RBPJ: variants seen among roughly 807,000 people sequenced by gnomAD.
The protein encoded by RBPJ is recombination signal binding protein for immunoglobulin kappa J region, also known as recombining binding protein suppressor of hairless.
RBPJ carries 9 observed loss-of-function variants against 67.8 expected under a neutral mutation model. That is an observed-to-expected ratio of 0.13 (90% CI 0.08 to 0.23). The LOEUF (loss-of-function observed/expected upper bound fraction) is 0.23, where lower values mean the gene tolerates loss of function less well. Ranked by LOEUF, RBPJ falls within the 10% of genes least tolerant of loss-of-function variation. RBPJ has a pLI of 1.00. For missense variants in RBPJ, 305 were observed against 595.6 expected (o/e 0.51, Z 5.08); for synonymous variants, 198 against 203.3 (o/e 0.97, Z 0.22).
At chr4:26,381,941 G>A (rs1444157319) in intron 1 of RBPJ, among the ~76,000 whole-genome samples, 2 of 152,168 alleles carry the variant, frequency 1.3e-5, no homozygotes, top group East Asian at 3.9e-4. Flanking sequence ...TCTATACTTA[G>A]CAAAAAGATA....
chr4:26,424,307 CA>C lies in RBPJ; in HGVS notation c.497-33del. On this transcript the variant is annotated intron_variant, in intron 5 of 10. Coordinates refer to ENST00000355476, the MANE Select transcript of RBPJ (RefSeq NM_015874.6). The surrounding 1 kb of genome is among the most constrained non-coding windows in gnomAD (Gnocchi z 5.3). The stretch of plus-strand genomic sequence containing the variant: ...TTTGCTCCCTCCCCACCTTCTGCTC[CA>C]ATCACATAAATAAGAGCTGTTTTTT... The C allele has an allele frequency of 6.2e-7, 1 of 1,606,106 alleles. No individual in the cohort carries two copies.
Position 26,366,799 on chromosome 4 carries a change from G to A in RBPJ, c.21-19554G>A, listed in dbSNP as rs150903471. ...TTGTGGAAGGATTTACCCTTGCTTTGCATTGATGTAAGAGACTCATGCAGT... is the reference window on the plus strand; with the variant it reads ...TTGTGGAAGGATTTACCCTTGCTTTACATTGATGTAAGAGACTCATGCAGT... On this transcript the variant is annotated intron_variant, in intron 1 of 10. Transcript: ENST00000355476. Among the ~76,000 whole-genome samples, 911 of 152,064 alleles carry A rather than the reference G, an allele frequency of 6.0e-3. 11 individuals are homozygous for A. Among genetic ancestry groups the A allele is most frequent in the African/African-American group, 0.021 (871 of 41,480 alleles).
chr4:26,258,847 G>A lies in RBPJ; in HGVS notation c.-167+95233G>A, dbSNP rs547792232. 3.6e-4 allele frequency among the ~76,000 whole-genome samples: 54 copies of A among 151,382 alleles called. No homozygotes were observed. The South Asian group carries it at 8.8e-3, about 25-fold the overall frequency. On this transcript the variant is annotated intron_variant, in intron 1 of 4. Transcript: ENST00000512351. ...TGAGACAGAGTCTTGCTCTGTTGCC[G>A]GGCTGGAGTGCAGTGGTGCGATCTT...
intron 1 of RBPJ, among the ~76,000 whole-genome samples, chr4:26,166,992 T>C (rs1477520624): frequency 6.6e-6 from 1 of 152,206 alleles, no homozygotes; most frequent in African/African-American, 2.4e-5. Flanking sequence ...CCATTGCTTG[T>C]TTTTCTCAGG....
chr4:26,142,989 C>T, the RBPJ span, among the ~76,000 whole-genome samples: 1 of 152,142 alleles, frequency 6.6e-6, no homozygotes, highest in Non-Finnish European at 1.5e-5. Context: ...ATCATGTTGG[C>T]CAGGCTGGTC....
the RBPJ span, among the ~76,000 whole-genome samples, chr4:26,132,262 A>G: frequency 6.6e-6 from 1 of 152,046 alleles, no homozygotes; most frequent in Admixed American, 6.6e-5. Context: ...GACTCTGTGG[A>G]CTCCAAGATT....
upstream of RBPJ, among the ~76,000 whole-genome samples, chr4:26,162,757 C>A (rs1458391963): frequency 6.6e-6 from 1 of 152,188 alleles, no homozygotes; most frequent in Non-Finnish European, 1.5e-5. Flanking sequence ...GTTCAGAAAC[C>A]ATCTGAAGAG....
intron 1 of RBPJ, among the ~76,000 whole-genome samples, chr4:26,172,798 C>T (rs1462874200): frequency 6.6e-6 from 1 of 152,084 alleles, no homozygotes; most frequent in Non-Finnish European, 1.5e-5. Flanking sequence ...GGTGAGAGAA[C>T]TGAGGTTGAG....
the RBPJ span, among the ~76,000 whole-genome samples, chr4:26,115,382 A>C: frequency 1.3e-5 from 2 of 152,002 alleles, no homozygotes; most frequent in African/African-American, 4.8e-5. Context: ...CAGGTTGGCC[A>C]GTATAAGTTT....
At chr4:26,394,582 G>A (rs1731916475) in intron 2 of RBPJ, among the ~76,000 whole-genome samples, 1 of 152,146 alleles carries the variant, frequency 6.6e-6, no homozygotes, top group Admixed American at 6.5e-5. Context: ...TTTAGAGCCT[G>A]AAAATCTTAG....
chr4:26,417,405 A>C (rs1046916178), intron 4 of RBPJ, among the ~76,000 whole-genome samples: 1 of 152,148 alleles, frequency 6.6e-6, no homozygotes, highest in Non-Finnish European at 1.5e-5. Context: ...TCTTTCTTCA[A>C]CTTCCACTAG....
intron 2 of RBPJ, among the ~76,000 whole-genome samples, chr4:26,391,812 G>A (rs1731530407): frequency 6.6e-6 from 1 of 152,226 alleles, no homozygotes; most frequent in African/African-American, 2.4e-5. Flanking sequence ...ACTACAGTGA[G>A]TGTGTTAGTC....
intron 1 of RBPJ, among the ~76,000 whole-genome samples, chr4:26,322,582 G>A (rs1464832823): frequency 3.9e-5 from 6 of 152,132 alleles, no homozygotes; most frequent in Middle Eastern, 3.4e-3. Context: ...GCAGTTTCTG[G>A]TCGATGAATA....
chr4:26,386,894 G>A (rs1012627532), intron 2 of RBPJ, among the ~76,000 whole-genome samples: 1 of 152,102 alleles, frequency 6.6e-6, no homozygotes, highest in Non-Finnish European at 1.5e-5. Flanking sequence ...CTAGCAGCCA[G>A]AATTGTAAAA....
chr4:26,321,125 C>T, intron 1 of RBPJ, 77 bp downstream of exon 1: 1 of 1,211,050 alleles, frequency 8.3e-7, no homozygotes, highest in Non-Finnish European at 1.2e-6. Flanking sequence ...GCAGCGGGTT[C>T]GGGGGCCGCG....
intron 1 of RBPJ, among the ~76,000 whole-genome samples, chr4:26,308,987 T>C (rs1392230254): frequency 2.0e-5 from 3 of 152,180 alleles, no homozygotes; most frequent in Non-Finnish European, 4.4e-5. Flanking sequence ...TAAATACCAT[T>C]ATTTTATTTA....
intron 1 of RBPJ, among the ~76,000 whole-genome samples, chr4:26,253,990 C>G (rs1403830367): frequency 6.7e-6 from 1 of 148,774 alleles, no homozygotes. Flanking sequence ...TTTTGTTTTA[C>G]TCATACATTT....
rs1310917905 is a variant in RBPJ, at chr4:26,293,706, T to G, written c.-166-68740T>G. 1.3e-4 allele frequency among the ~76,000 whole-genome samples: 18 copies of G among 137,950 alleles called. 1 individual carries two copies. The highest frequency in any genetic ancestry group is 7.0e-4 in the Admixed American group (10 of 14,288). 90.5% of individuals were successfully genotyped at this position (137,950 alleles called of 152,430 possible). On this transcript the variant is annotated intron_variant, in intron 1 of 4. Transcript: ENST00000512351. ...AAAGATTTTCCAATGCTAATTATGA[T>G]GGCAAAACAATTCAGGAATGACAAA... is the stretch of plus-strand genomic sequence containing the variant.
chr4:26,274,087 T>C (rs1038310000), intron 1 of RBPJ, among the ~76,000 whole-genome samples: 3 of 152,204 alleles, frequency 2.0e-5, no homozygotes, highest in African/African-American at 7.2e-5. Context: ...CTCTGCTTTA[T>C]TGTTCTCCAT....
Sources: allele counts gnomAD v4.1 joint callset (sites outside exome capture counted in the v4.1 genomes callset), GRCh38; gene constraint gnomAD v4.1.1; non-coding constraint Gnocchi (gnomAD v3.1); transcripts MANE v1.5; gene names NCBI Gene and HGNC (gene_info 2026-07-23, HGNC 2026-07-21).